PTGR2: variants seen among roughly 807,000 people sequenced by gnomAD.
PTGR2 encodes prostaglandin reductase 2, also known as 15-oxoprostaglandin 13-reductase.
PTGR2 carries 32 observed loss-of-function variants against 43.4 expected under a neutral mutation model. The ratio of observed to expected loss-of-function variants is 0.74; its 90% CI spans 0.56 to 0.99. PTGR2 has a LOEUF of 0.99. Among genes scored for constraint, PTGR2 ranks in the 50% least tolerant of loss-of-function variants. The pLI, the probability that PTGR2 is intolerant of heterozygous loss-of-function variation, is 0.00. For synonymous variants in PTGR2, 106 were observed against 139.2 expected, an observed-to-expected ratio of 0.76 and a Z score of 1.68; for missense variants, 373 against 420.0, an observed-to-expected ratio of 0.89 and a Z score of 0.98.
intron 2 of PTGR2, among the ~76,000 whole-genome samples, 173 bp from the exon 3 acceptor site, chr14:73,860,366 C>A (rs1489723090): frequency 1.3e-5 from 2 of 151,826 alleles, no homozygotes; most frequent in Non-Finnish European, 2.9e-5. Flanking sequence ...ACTCGGGAGG[C>A]TGAGTCAGGA....
chr14:73,858,445 C>T (rs955649736), intron 1 of PTGR2: 43 of 159,662 alleles, frequency 2.7e-4, no homozygotes, highest in Non-Finnish European at 5.5e-4. Context: ...CCCATCTACT[C>T]GGGAGGCTGA....
chr14:73,882,624 C>T (rs576183128), intron 9 of PTGR2, among the ~76,000 whole-genome samples, 186 bp downstream of exon 9: 1 of 152,142 alleles, frequency 6.6e-6, no homozygotes, highest in South Asian at 2.1e-4. Context: ...CCTCAGCCTC[C>T]CAAGTAGCTG....
chr14:73,871,730 G>A (rs2140259376), intron 3 of PTGR2, among the ~76,000 whole-genome samples: 1 of 152,238 alleles, frequency 6.6e-6, no homozygotes, highest in Middle Eastern at 3.4e-3. Flanking sequence ...CTGCAGAATT[G>A]CTTGGTTGGT....
chr14:73,868,156 G>A (rs2054644748), intron 3 of PTGR2, among the ~76,000 whole-genome samples: 1 of 152,180 alleles, frequency 6.6e-6, no homozygotes, highest in Non-Finnish European at 1.5e-5. Context: ...AGGCGTGGTG[G>A]CACATGCCTG....
chr14:73,880,259 T>C, intron 7 of PTGR2, 83 bp downstream of exon 7: 1 of 1,517,590 alleles, frequency 6.6e-7, no homozygotes, highest in Non-Finnish European at 9.1e-7. Flanking sequence ...TTGTTCTTCA[T>C]AGACACTTTT....
intron 2 of PTGR2, 107 bp from the exon 3 acceptor site, chr14:73,860,432 A>G: frequency 3.5e-6 from 2 of 564,222 alleles, no homozygotes; most frequent in Non-Finnish European, 6.2e-6. Flanking sequence ...GCGCCACTGC[A>G]TTCCAGCCTG....
intron 3 of PTGR2, among the ~76,000 whole-genome samples, chr14:73,872,603 G>A (rs1057076230): frequency 1.3e-5 from 2 of 152,126 alleles, no homozygotes; most frequent in African/African-American, 4.8e-5. Flanking sequence ...GTACAATTCA[G>A]TGAATTTTGG....
chr14:73,858,681 C>A (rs1052608329), intron 1 of PTGR2, 135 bp from the exon 2 acceptor site: 20 of 422,920 alleles, frequency 4.7e-5, no homozygotes, highest in South Asian at 2.0e-4. Flanking sequence ...CAAACTCTGA[C>A]AGGCGAGTTT....
At chr14:73,876,690 T>G (rs1035059736) in intron 4 of PTGR2, among the ~76,000 whole-genome samples, 6 of 152,042 alleles carry the variant, frequency 3.9e-5, no homozygotes, top group African/African-American at 1.2e-4. Flanking sequence ...TTGGCTAGGC[T>G]GGTCTCGAAC....
At chr14:73,871,291 C>A (rs1012290429) in intron 3 of PTGR2, among the ~76,000 whole-genome samples, 4 of 148,554 alleles carry the variant, frequency 2.7e-5, no homozygotes, top group African/African-American at 9.8e-5. Flanking sequence ...AAACTCCACG[C>A]CTTTTCCCAT....
chr14:73,883,111 G>A (rs1291287436), intron 9 of PTGR2, among the ~76,000 whole-genome samples: 5 of 146,912 alleles, frequency 3.4e-5, no homozygotes, highest in Non-Finnish European at 7.5e-5. Context: ...GTGAGCCACC[G>A]CACAGGCCAA....
intron 9 of PTGR2, among the ~76,000 whole-genome samples, chr14:73,883,151 G>T (rs1389281421): frequency 7.6e-6 from 1 of 132,424 alleles, no homozygotes; most frequent in African/African-American, 2.8e-5. Flanking sequence ...CTACCTCTCT[G>T]GCCTCCCCTT....
chr14:73,853,936 C>G (rs1420616687), intron 1 of PTGR2, among the ~76,000 whole-genome samples: 1 of 152,042 alleles, frequency 6.6e-6, no homozygotes, highest in African/African-American at 2.4e-5. Flanking sequence ...ATATTAGCAC[C>G]AAGTAGGAAT....
intron 3 of PTGR2, among the ~76,000 whole-genome samples, chr14:73,869,789 G>A (rs1189895396): frequency 2.0e-5 from 3 of 152,048 alleles, no homozygotes; most frequent in Non-Finnish European, 2.9e-5. Context: ...ATTTTGGGAG[G>A]CTGAGGCGGG....
At chr14:73,866,087 C>T (rs542006011) in intron 3 of PTGR2, among the ~76,000 whole-genome samples, 23 of 152,086 alleles carry the variant, frequency 1.5e-4, no homozygotes, top group Admixed American at 5.9e-4. Flanking sequence ...CTGCAACCTC[C>T]ACTTCCCGGG....
rs1482553821 is a variant in PTGR2, at chr14:73,858,827, A to T, written c.-36A>T. On this transcript the variant is annotated 5_prime_UTR_variant, in exon 2 of 10. Coordinates refer to ENST00000555661, the MANE Select transcript of PTGR2 (RefSeq NM_001146154.2). ...TTTTTTATTTATAGGAGTATTTTAT[A>T]CAGAAATCTTGTGAAACCACTGCCC... 1.3e-6 allele frequency: 2 copies of T among 1,588,558 alleles called. No homozygotes were observed. The highest frequency in any genetic ancestry group is 1.7e-6 in the Non-Finnish European group (2 of 1,162,494).
chr14:73,881,445 A>G (rs914114831), intron 8 of PTGR2, among the ~76,000 whole-genome samples, 153 bp downstream of exon 8: 1 of 152,204 alleles, frequency 6.6e-6, no homozygotes, highest in Admixed American at 6.5e-5. Context: ...TCTACCTCCC[A>G]GGTGAGTATA....
rs1209487643 is a variant in PTGR2 at position 73,884,959 on chromosome 14, G to A, written c.*782G>A. On this transcript the variant is annotated 3_prime_UTR_variant, in exon 10 of 10. Transcript: ENST00000555661. ...CATACTGTCAAGTTGTAAAGATTGA[G>A]AGGGCAAACAGATGTAAACATCACT... 1 of 152,204 alleles carries A rather than the reference G, an allele frequency of 6.6e-6. No individual in the cohort carries two copies. The highest frequency in any genetic ancestry group is 1.5e-5 in the Non-Finnish European group (1 of 68,066). The allele number at this position is 152,204 out of a possible 1,614,324, so 9.4% of individuals were successfully genotyped here.
chr14:73,860,290 A>G (rs1287445793), intron 2 of PTGR2, among the ~76,000 whole-genome samples: 1 of 151,660 alleles, frequency 6.6e-6, no homozygotes, highest in Non-Finnish European at 1.5e-5. Flanking sequence ...GCATGGTAAA[A>G]CCCCATCTCT....
Sources: allele counts gnomAD v4.1 joint callset (sites outside exome capture counted in the v4.1 genomes callset), GRCh38; gene constraint gnomAD v4.1.1; transcripts MANE v1.5; gene names NCBI Gene and HGNC (gene_info 2026-07-23, HGNC 2026-07-21).